SUGCT: variants seen among roughly 807,000 people sequenced by gnomAD.
SUGCT encodes succinyl-CoA:glutarate-CoA transferase.
A neutral mutation model predicts 55.0 loss-of-function variants in SUGCT; 41 were observed. The ratio of observed to expected loss-of-function variants is 0.74; its 90% CI spans 0.58 to 0.97. The LOEUF is 0.97. Ranked by LOEUF, SUGCT falls within the 50% of genes least tolerant of loss-of-function variation. The probability of loss-of-function intolerance (pLI) is 0.00; values close to 1 mark genes in which losing one functional copy is unlikely to be tolerated. For missense variants in SUGCT, 568 were observed against 547.8 expected (o/e 1.04, Z -0.37); for synonymous variants, 187 against 200.4 (o/e 0.93, Z 0.56).
At chr7:40,320,178 C>T (rs932324720) in intron 9 of SUGCT, among the ~76,000 whole-genome samples, 7 of 151,656 alleles carry the variant, frequency 4.6e-5, no homozygotes, top group Non-Finnish European at 7.4e-5. Context: ...GTGATCTTGG[C>T]TTACTGCAAC....
chr7:40,610,727 T>C (rs1339199526), intron 12 of SUGCT, among the ~76,000 whole-genome samples: 2 of 152,204 alleles, frequency 1.3e-5, no homozygotes, highest in African/African-American at 2.4e-5. Context: ...ATCCTAGTGA[T>C]TCTGGACTGC....
intron 9 of SUGCT, among the ~76,000 whole-genome samples, chr7:40,428,146 A>G (rs968646024): frequency 1.3e-5 from 2 of 152,160 alleles, no homozygotes; most frequent in African/African-American, 4.8e-5. Context: ...CTCTTGTGAC[A>G]GTTTCTGACC....
intron 6 of SUGCT, among the ~76,000 whole-genome samples, chr7:40,213,786 G>A (rs981422777): frequency 6.6e-6 from 1 of 152,118 alleles, no homozygotes; most frequent in African/African-American, 2.4e-5. Context: ...CAATATTATT[G>A]TTTTTTGTTT....
chr7:40,259,989 A>C (rs1791114359), intron 7 of SUGCT, among the ~76,000 whole-genome samples: 1 of 152,172 alleles, frequency 6.6e-6, no homozygotes, highest in African/African-American at 2.4e-5. Context: ...ACTCTAGGGA[A>C]ATTTTAAAAT....
chr7:40,755,150 C>CA lies in SUGCT; in HGVS notation c.1153+5661dup, dbSNP rs536742403. On this transcript the variant is annotated intron_variant, in intron 13 of 13. Coordinates refer to ENST00000335693, the MANE Select transcript of SUGCT (RefSeq NM_001193313.2). ...GCTAATAATCACATTAAATACAAAT[C>CA]AAAAAAAATTCAAAGATATCTATGC... is the stretch of plus-strand genomic sequence containing the variant. 2.1e-4 allele frequency among the ~76,000 whole-genome samples: 32 copies of CA among 151,850 alleles called. No homozygotes were observed. In the South Asian group the frequency reaches 6.5e-3, roughly 31 times the overall value.
At chr7:40,223,181 C>T (rs117185753) in intron 6 of SUGCT, among the ~76,000 whole-genome samples, 6,427 of 152,124 alleles carry the variant, frequency 0.042, 205 homozygotes, top group Middle Eastern at 0.071. Context: ...CTGGCTTAGC[C>T]TCCCAAGTAG....
the SUGCT span, among the ~76,000 whole-genome samples, chr7:40,868,084 T>C: frequency 6.6e-6 from 1 of 152,204 alleles, no homozygotes; most frequent in Non-Finnish European, 1.5e-5. Context: ...CCTTCAAGGA[T>C]AGTCACCATC....
chr7:40,383,302 A>G (rs550520744), intron 9 of SUGCT, among the ~76,000 whole-genome samples: 3 of 152,326 alleles, frequency 2.0e-5, no homozygotes, highest in South Asian at 2.1e-4. Flanking sequence ...TGAAGAAACT[A>G]GAATCCATCG....
chr7:40,546,723 T>C (rs1414215996), intron 12 of SUGCT: 1 of 152,202 alleles, frequency 6.6e-6, no homozygotes, highest in East Asian at 1.9e-4. Flanking sequence ...CCCCAGGGCA[T>C]AGTAGCCCAG....
chr7:40,332,500 A>G (rs758707826), intron 9 of SUGCT, among the ~76,000 whole-genome samples: 3 of 140,572 alleles, frequency 2.1e-5, no homozygotes, highest in Non-Finnish European at 4.6e-5. Flanking sequence ...ATTTCTAGTC[A>G]TTGTTTAAAA....
the SUGCT span, among the ~76,000 whole-genome samples, chr7:40,912,447 G>A: frequency 2.2e-4 from 34 of 151,958 alleles, no homozygotes; most frequent in Admixed American, 3.9e-4. Flanking sequence ...TTGTTCCATG[G>A]GAAAACTTTA....
chr7:40,719,769 C>A (rs188100518), intron 12 of SUGCT, among the ~76,000 whole-genome samples: 1 of 152,008 alleles, frequency 6.6e-6, no homozygotes, highest in Non-Finnish European at 1.5e-5. Context: ...TTAGGTGAGA[C>A]GTCACTTAGT....
intron 13 of SUGCT, among the ~76,000 whole-genome samples, chr7:40,761,635 C>G (rs1002601730): frequency 1.3e-5 from 2 of 152,160 alleles, no homozygotes; most frequent in African/African-American, 4.8e-5. Flanking sequence ...AGGGAGATAT[C>G]GAAGACCATC....
intron 12 of SUGCT, among the ~76,000 whole-genome samples, chr7:40,521,546 G>C (rs1793527139): frequency 6.6e-6 from 1 of 152,040 alleles, no homozygotes; most frequent in Non-Finnish European, 1.5e-5. Context: ...GGAGAAACAG[G>C]GAATAGTGAA....
chr7:40,302,651 G>A (rs1001537435), intron 8 of SUGCT, among the ~76,000 whole-genome samples: 1 of 152,170 alleles, frequency 6.6e-6, no homozygotes, highest in Non-Finnish European at 1.5e-5. Context: ...AAGGCCAACA[G>A]GAGCATGACT....
At chr7:41,007,559 T>C in the SUGCT span, among the ~76,000 whole-genome samples, 1 of 152,194 alleles carries the variant, frequency 6.6e-6, no homozygotes. Flanking sequence ...CTAATTTCTC[T>C]GCTCTGGAGA....
At chr7:40,564,643 A>G (rs1025910708) in intron 12 of SUGCT, among the ~76,000 whole-genome samples, 1 of 152,206 alleles carries the variant, frequency 6.6e-6, no homozygotes, top group African/African-American at 2.4e-5. Flanking sequence ...TATCTTGACA[A>G]TGAAGAAAAT....
chr7:40,285,160 CT>C (rs1380435374), intron 8 of SUGCT, among the ~76,000 whole-genome samples: 1 of 152,008 alleles, frequency 6.6e-6, no homozygotes, highest in African/African-American at 2.4e-5. Flanking sequence ...CTTCAAAACA[CT>C]TTGGAGCTTT....
chr7:40,602,026 A>G (rs1173508792), intron 12 of SUGCT, among the ~76,000 whole-genome samples: 1 of 152,106 alleles, frequency 6.6e-6, no homozygotes, highest in Non-Finnish European at 1.5e-5. Context: ...TACCTTGGAG[A>G]CCTCTTCATA....
Sources: gnomAD v4.1 joint callset for allele counts (sites outside exome capture counted in the v4.1 genomes callset) on GRCh38, gnomAD v4.1.1 for gene constraint, MANE v1.5 for transcripts, NCBI Gene and HGNC (gene_info 2026-07-23, HGNC 2026-07-21) for gene names.